The following USH2A variants were observed in gnomAD, a reference collection of about 807,000 sequenced individuals.
The protein encoded by USH2A is Usher syndrome 2A (autosomal recessive, mild).
In USH2A, 443 loss-of-function variants were observed where a neutral mutation model predicts 538.9. The observed-to-expected ratio is 0.82, with a 90% CI of 0.76 to 0.89. The LOEUF (loss-of-function observed/expected upper bound fraction) is 0.89. Among genes scored for constraint, USH2A ranks in the 40% least tolerant of loss-of-function variants. The probability of loss-of-function intolerance (pLI) is 0.00; values close to 1 mark genes in which losing one functional copy is unlikely to be tolerated. For missense variants in USH2A, 6,633 were observed against 6,324.8 expected (o/e 1.05, Z -1.65); for synonymous variants, 2,413 against 2,273.5 (o/e 1.06, Z -1.75).
chr1:215,628,760 C>A, intron 71 of USH2A, 54 bp downstream of exon 71: 1 of 1,585,878 alleles, frequency 6.3e-7, no homozygotes, highest in East Asian at 2.2e-5. Context: ...AGCTCTGTAC[C>A]AATATTTTTT....
chr1:216,011,325 C>T (rs1668562742), intron 32 of USH2A, among the ~76,000 whole-genome samples: 1 of 152,126 alleles, frequency 6.6e-6, no homozygotes, highest in Non-Finnish European at 1.5e-5. Context: ...GACCCTGACA[C>T]CCATTAGGCT....
At chr1:215,779,363 A>C (rs1008182463) in intron 55 of USH2A, among the ~76,000 whole-genome samples, 1 of 152,176 alleles carries the variant, frequency 6.6e-6, no homozygotes, top group African/African-American at 2.4e-5. Context: ...AAAAAACACA[A>C]TTGCTATTAA....
At chr1:216,111,540 A>G (rs1298710685) in intron 21 of USH2A, among the ~76,000 whole-genome samples, 1 of 152,064 alleles carries the variant, frequency 6.6e-6, no homozygotes, top group Non-Finnish European at 1.5e-5. Flanking sequence ...GAAAATTCCA[A>G]TATTATAATC....
At chr1:215,879,390 G>A (rs1338093904) in intron 41 of USH2A, among the ~76,000 whole-genome samples, 2 of 152,164 alleles carry the variant, frequency 1.3e-5, no homozygotes, top group Non-Finnish European at 2.9e-5. Flanking sequence ...TGTTCTGAAG[G>A]ACACAGAGCA....
At chr1:215,832,404 T>A (rs1053510512) in intron 47 of USH2A, among the ~76,000 whole-genome samples, 4 of 151,956 alleles carry the variant, frequency 2.6e-5, no homozygotes, top group Non-Finnish European at 4.4e-5. Flanking sequence ...GTATATTGCA[T>A]CCCCCAATAT....
At chr1:216,231,568 A>G (rs150929361) in intron 14 of USH2A, among the ~76,000 whole-genome samples, 1,820 of 146,836 alleles carry the variant, frequency 0.012, 32 homozygotes, top group African/African-American at 0.043. Flanking sequence ...TTTTTTTTTG[A>G]GACAGAGTCT....
intron 3 of USH2A, among the ~76,000 whole-genome samples, chr1:216,415,470 C>T (rs2102779237): frequency 6.7e-6 from 1 of 150,070 alleles, no homozygotes; most frequent in African/African-American, 2.4e-5. Context: ...TAACCTAAAT[C>T]AGATTTCCCA....
Position 215,686,689 on chromosome 1 carries a change from G to A in USH2A, c.12067-6313C>T, listed in dbSNP as rs74534194. 7.3e-3 allele frequency among the ~76,000 whole-genome samples: 1,116 copies of A among 152,202 alleles called. 15 individuals carry two copies. Among genetic ancestry groups the A allele is most frequent in the African/African-American group, 0.011 (465 of 41,548 alleles). On this transcript the variant is annotated intron_variant, in intron 61 of 71. Transcript: ENST00000307340. ...AAGAACTTTTAAATTTCACCCTATCGTGGTATAGATCATGGTCAGTGACTA... is the reference window on the plus strand; with the variant it reads ...AAGAACTTTTAAATTTCACCCTATCATGGTATAGATCATGGTCAGTGACTA...
Position 216,321,863 on chromosome 1 carries a change from A to G in USH2A, c.1644+20T>C, listed in dbSNP as rs1329016320. 5 of 1,601,850 alleles carry G rather than the reference A, an allele frequency of 3.1e-6. No individual in the cohort carries two copies. The South Asian group carries it at 3.3e-5, about 11-fold the overall frequency. ...TCTACTATTTTTTTTTTAGATTTCCATGCATAAAATAGAACTCACATGAAG... is the reference window on the plus strand; with the variant it reads ...TCTACTATTTTTTTTTTAGATTTCCGTGCATAAAATAGAACTCACATGAAG... On this transcript the variant is annotated intron_variant, in intron 9 of 71. Coordinates refer to ENST00000307340, the MANE Select transcript of USH2A (RefSeq NM_206933.4).
At chr1:216,235,872 C>T (rs979766843) in intron 13 of USH2A, among the ~76,000 whole-genome samples, 2 of 152,162 alleles carry the variant, frequency 1.3e-5, no homozygotes, top group African/African-American at 4.8e-5. Context: ...AATAGTTACA[C>T]AAGAGCCTGG....
chr1:215,996,547 A>C (rs1359783893), intron 34 of USH2A, among the ~76,000 whole-genome samples: 1 of 127,532 alleles, frequency 7.8e-6, no homozygotes, highest in Non-Finnish European at 1.6e-5. Context: ...TGTTGAGAGT[A>C]GCAACATATT....
intron 11 of USH2A, among the ~76,000 whole-genome samples, chr1:216,277,857 G>A (rs2036700219): frequency 6.6e-6 from 1 of 152,052 alleles, no homozygotes; most frequent in South Asian, 2.1e-4. Context: ...GCATATCCAG[G>A]CAATGGAAGG....
chr1:216,141,349 T>C (rs2033599035), intron 21 of USH2A, among the ~76,000 whole-genome samples: 1 of 152,172 alleles, frequency 6.6e-6, no homozygotes, highest in African/African-American at 2.4e-5. Context: ...TGCTGTGGGC[T>C]CCCTGGGGAA....
chr1:216,221,915 G>A (rs1218859850), intron 14 of USH2A, among the ~76,000 whole-genome samples: 1 of 152,128 alleles, frequency 6.6e-6, no homozygotes, highest in Non-Finnish European at 1.5e-5. Flanking sequence ...GCAACTTTTT[G>A]GTCAATATAA....
Position 215,758,717 on chromosome 1 carries a change from C to T in USH2A, c.11267G>A (p.Gly3756Asp), listed in dbSNP as rs1243406137. 5.6e-6 allele frequency: 9 copies of T among 1,613,970 alleles called. No homozygotes were observed. The highest frequency in any genetic ancestry group is 5.0e-5 in the Admixed American group (3 of 60,008). The change falls in exon 58 of 72, where the codon GGC becomes GAC. Residue 3756 changes from glycine to aspartate, a missense_variant. Physicochemically the swap from Gly to Asp is moderately conservative, Grantham distance 94. Coordinates refer to ENST00000307340, the MANE Select transcript of USH2A (RefSeq NM_206933.4). ...AATGTAATCATCACTAGCACTGCTG[C>T]CACCTCCAGTTTTGACTTCTAACTT... ...TYKLEVKTGG[G>D]SSASDDYIVQ... is the part of the protein sequence containing the mutation.
At chr1:215,649,962 C>A (rs2102644248) in intron 65 of USH2A, among the ~76,000 whole-genome samples, 1 of 152,262 alleles carries the variant, frequency 6.6e-6, no homozygotes, top group Admixed American at 6.5e-5. Flanking sequence ...AGTGGCTTGG[C>A]TAACGCACAA....
chr1:215,860,890 A>G (rs1459903327), intron 44 of USH2A, among the ~76,000 whole-genome samples: 1 of 152,184 alleles, frequency 6.6e-6, no homozygotes, highest in Non-Finnish European at 1.5e-5. Flanking sequence ...TGATTTTATG[A>G]TGGAAGTCTT....
At chr1:216,165,762 TA>T (rs1174364226) in intron 21 of USH2A, among the ~76,000 whole-genome samples, 1 of 151,922 alleles carries the variant, frequency 6.6e-6, no homozygotes, top group Admixed American at 6.6e-5. Flanking sequence ...ATGAAAAAGA[TA>T]GTCATAATTT....
chr1:215,830,650 T>G (rs1173033073), intron 47 of USH2A, among the ~76,000 whole-genome samples: 1 of 152,180 alleles, frequency 6.6e-6, no homozygotes, highest in African/African-American at 2.4e-5. Context: ...ATTTTATGAA[T>G]GAACGAACGC....
Sources: gnomAD v4.1 joint callset for allele counts (sites outside exome capture counted in the v4.1 genomes callset) on GRCh38, gnomAD v4.1.1 for gene constraint, MANE v1.5 for transcripts, NCBI Gene and HGNC (gene_info 2026-07-23, HGNC 2026-07-21) for gene names.